SV2C: variants seen among roughly 807,000 people sequenced by gnomAD.
SV2C encodes synaptic vesicle glycoprotein 2C, also known as solute carrier family 22 member B3.
In SV2C, 49 loss-of-function variants were observed where a neutral mutation model predicts 79.7. The ratio of observed to expected loss-of-function variants is 0.61; its 90% confidence interval spans 0.49 to 0.78. The LOEUF is 0.78. Ranked by LOEUF, SV2C falls within the 30% of genes least tolerant of loss-of-function variation. The probability of loss-of-function intolerance (pLI) is 0.00; values close to 1 mark genes in which losing one functional copy is unlikely to be tolerated. For missense variants in SV2C, 833 were observed against 912.9 expected (o/e 0.91, Z 1.13); for synonymous variants, 334 against 333.2 (o/e 1.00, Z -0.03).
chr5:76,338,940 G>T (rs1206722199), downstream of SV2C, among the ~76,000 whole-genome samples: 1 of 152,162 alleles, frequency 6.6e-6, no homozygotes, highest in South Asian at 2.1e-4. Flanking sequence ...ACAGGTGTGA[G>T]CCACCGCTCC....
At chr5:76,042,308 C>T in the SV2C span, among the ~76,000 whole-genome samples, 1 of 152,194 alleles carries the variant, frequency 6.6e-6, no homozygotes, top group Non-Finnish European at 1.5e-5. Flanking sequence ...TTGTGAACTG[C>T]AGCAAGTTAC....
intron 4 of SV2C, among the ~76,000 whole-genome samples, chr5:76,216,637 C>G (rs1481181853): frequency 1.3e-5 from 2 of 152,160 alleles, no homozygotes; most frequent in Non-Finnish European, 2.9e-5. Context: ...GTTCTCAAGC[C>G]TAGGCCTTCT....
intron 4 of SV2C, among the ~76,000 whole-genome samples, chr5:76,256,384 A>G (rs936491464): frequency 5.3e-5 from 8 of 152,192 alleles, no homozygotes; most frequent in African/African-American, 1.7e-4. Flanking sequence ...CCACTCACGC[A>G]TGCAAGTGAA....
rs1469558048 is a variant in SV2C, at chr5:76,164,651, G to T, written c.581-30268G>T. Among the ~76,000 whole-genome samples the T allele has an allele frequency of 2.0e-5, 3 of 151,806 alleles. No individual in the cohort carries two copies. The East Asian group carries it at 5.8e-4, about 29-fold the overall frequency. ...TCCATATAATGCTTTCATTAAGAAT[G>T]CCATGCATTAGACTCTGCTTGTCAC... On this transcript the variant is annotated intron_variant, in intron 2 of 12. Coordinates refer to ENST00000502798, the MANE Select transcript of SV2C (RefSeq NM_014979.4).
intron 4 of SV2C, among the ~76,000 whole-genome samples, chr5:76,264,758 A>G (rs1275311527): frequency 6.6e-6 from 1 of 152,186 alleles, no homozygotes; most frequent in African/African-American, 2.4e-5. Flanking sequence ...GGGTATTACC[A>G]GCAGAGGCTA....
intron 8 of SV2C, 151 bp from the exon 9 acceptor site, chr5:76,295,627 C>T (rs958137964): frequency 3.9e-5 from 25 of 648,754 alleles, no homozygotes; most frequent in Middle Eastern, 5.9e-4. Context: ...GGGAGAGGGA[C>T]ACATGGATTG....
intron 4 of SV2C, among the ~76,000 whole-genome samples, chr5:76,263,561 A>C (rs1746551120): frequency 6.6e-6 from 1 of 151,916 alleles, no homozygotes; most frequent in South Asian, 2.1e-4. Context: ...CATGGTGTTG[A>C]TGGTCTTTAC....
the SV2C span, among the ~76,000 whole-genome samples, chr5:75,857,224 TG>T: frequency 2.0e-5 from 3 of 152,184 alleles, no homozygotes; most frequent in Non-Finnish European, 4.4e-5. Context: ...CCCAAAGTGC[TG>T]GGATTACAGG....
the SV2C span, among the ~76,000 whole-genome samples, chr5:75,970,092 G>T: frequency 6.6e-6 from 1 of 152,050 alleles, no homozygotes; most frequent in Non-Finnish European, 1.5e-5. Context: ...ATAACAAAAT[G>T]AAGGCAGAAA....
At chr5:75,914,530 T>TA in the SV2C span, among the ~76,000 whole-genome samples, 2 of 152,144 alleles carry the variant, frequency 1.3e-5, no homozygotes, top group African/African-American at 4.8e-5. Flanking sequence ...CCACAAGTGT[T>TA]AGTCAGCATT....
chr5:76,210,025 GA>G, intron 4 of SV2C, 138 bp downstream of exon 4: 1 of 1,076,184 alleles, frequency 9.3e-7, no homozygotes, highest in Non-Finnish European at 1.3e-6. Flanking sequence ...TAGTGTCCAG[GA>G]GTTTTTCCCC....
intron 4 of SV2C, among the ~76,000 whole-genome samples, chr5:76,242,858 C>T (rs1745829848): frequency 6.6e-6 from 1 of 151,282 alleles, no homozygotes; most frequent in Non-Finnish European, 1.5e-5. Context: ...CATAACAAGA[C>T]CCCATATCTA....
intron 1 of SV2C, among the ~76,000 whole-genome samples, chr5:76,127,824 G>T (rs1358334120): frequency 1.3e-5 from 2 of 152,128 alleles, no homozygotes; most frequent in East Asian, 3.9e-4. Context: ...CCCGAGTGGG[G>T]AAAAATTCCG....
intron 2 of SV2C, among the ~76,000 whole-genome samples, chr5:76,191,116 A>T (rs905044571): frequency 1.3e-5 from 2 of 152,192 alleles, no homozygotes; most frequent in East Asian, 3.8e-4. Flanking sequence ...ACTTACAATC[A>T]TGGTGGAAGG....
chr5:76,257,284 T>TGTGTAGTGTGTGTGTGGTATCTGTATG (rs1561286264), intron 4 of SV2C, among the ~76,000 whole-genome samples: 6 of 142,504 alleles, frequency 4.2e-5, no homozygotes, highest in East Asian at 2.1e-4. Context: ...TGTGTGTGTG[T>TGTGTAGTGTGTGTGTGGTATCTGTATG]GTGTGTAGTG....
chr5:76,302,388 G>C (rs113903424), intron 12 of SV2C, among the ~76,000 whole-genome samples: 1 of 152,144 alleles, frequency 6.6e-6, no homozygotes, highest in Non-Finnish European at 1.5e-5. Context: ...AATTTGGGAG[G>C]CCGAGGCGGG....
chr5:75,931,923 C>T, the SV2C span, among the ~76,000 whole-genome samples: 14 of 152,286 alleles, frequency 9.2e-5, no homozygotes, highest in South Asian at 4.2e-4. Flanking sequence ...CCACAGCATC[C>T]GGCATCCCTC....
chr5:76,174,798 C>G (rs529160957), intron 2 of SV2C, among the ~76,000 whole-genome samples: 1 of 152,356 alleles, frequency 6.6e-6, no homozygotes, highest in South Asian at 2.1e-4. Context: ...TGGACATGGT[C>G]TCCTATCCTG....
At chr5:75,980,671 T>C in the SV2C span, among the ~76,000 whole-genome samples, 1 of 152,128 alleles carries the variant, frequency 6.6e-6, no homozygotes, top group Non-Finnish European at 1.5e-5. Context: ...TCCATTCATG[T>C]TAAAAACTTG....
Sources: gnomAD v4.1 joint callset for allele counts (sites outside exome capture counted in the v4.1 genomes callset) on GRCh38, gnomAD v4.1.1 for gene constraint, MANE v1.5 for transcripts, NCBI Gene and HGNC (gene_info 2026-07-23, HGNC 2026-07-21) for gene names.